TXNDC16: variants seen among roughly 807,000 people sequenced by gnomAD.
The protein encoded by TXNDC16 is thioredoxin domain containing 16.
In TXNDC16, 74 loss-of-function variants were observed where a neutral mutation model predicts 85.6. The ratio of observed to expected loss-of-function variants is 0.86; its 90% confidence interval spans 0.72 to 1.05. The LOEUF (loss-of-function observed/expected upper bound fraction) is 1.05, where lower values mean the gene tolerates loss of function less well. Ranked by LOEUF, TXNDC16 falls within the 50% of genes least tolerant of loss-of-function variation. The pLI is 0.00. For synonymous variants in TXNDC16, 335 were observed against 326.5 expected (o/e 1.03, Z -0.28); for missense variants, 959 against 947.0 (o/e 1.01, Z -0.17).
intron 9 of TXNDC16, among the ~76,000 whole-genome samples, chr14:52,494,808 G>C (rs561858286): frequency 1.3e-5 from 2 of 152,230 alleles, no homozygotes; most frequent in African/African-American, 2.4e-5. Context: ...TTACATGCAG[G>C]AAGATGTAGG....
At chr14:52,471,555 C>T (rs2035908086) in intron 14 of TXNDC16, among the ~76,000 whole-genome samples, 1 of 152,182 alleles carries the variant, frequency 6.6e-6, no homozygotes, top group South Asian at 2.1e-4. Flanking sequence ...GAACCATGCT[C>T]TTTTCCTTAT....
intron 18 of TXNDC16, among the ~76,000 whole-genome samples, chr14:52,442,965 A>C (rs1418689001): frequency 6.6e-6 from 1 of 152,222 alleles, no homozygotes. Flanking sequence ...CAATAAGAAA[A>C]CTTATTGGTT....
At chr14:52,533,396 G>C (rs1257744802) in intron 6 of TXNDC16, among the ~76,000 whole-genome samples, 1 of 152,140 alleles carries the variant, frequency 6.6e-6, no homozygotes, top group Non-Finnish European at 1.5e-5. Flanking sequence ...CCCCTTTGCT[G>C]TATCTACTCT....
chr14:52,484,449 C>T (rs2036221071), intron 12 of TXNDC16, among the ~76,000 whole-genome samples: 1 of 152,242 alleles, frequency 6.6e-6, no homozygotes, highest in Admixed American at 6.5e-5. Context: ...ACATATACAA[C>T]TGTAGTCCCT....
chr14:52,525,332 G>A (rs1192629456), intron 6 of TXNDC16, among the ~76,000 whole-genome samples: 2 of 151,992 alleles, frequency 1.3e-5, no homozygotes, highest in Non-Finnish European at 2.9e-5. Context: ...ATAATCTCAT[G>A]AGGCTGCAAG....
At chr14:52,529,798 TTATA>T (rs1274901135) in intron 6 of TXNDC16, among the ~76,000 whole-genome samples, 7 of 115,674 alleles carry the variant, frequency 6.1e-5, no homozygotes, top group African/African-American at 2.5e-4. Context: ...TATATAATAA[TTATA>T]TATGACACCT....
intron 12 of TXNDC16, among the ~76,000 whole-genome samples, chr14:52,487,326 C>T (rs750471510): frequency 2.6e-5 from 4 of 152,118 alleles, no homozygotes; most frequent in Non-Finnish European, 4.4e-5. Flanking sequence ...AAAGCTCTTA[C>T]TAAATTTATA....
intron 16 of TXNDC16, among the ~76,000 whole-genome samples, chr14:52,462,409 G>A (rs897916222): frequency 2.0e-5 from 3 of 152,120 alleles, no homozygotes; most frequent in Non-Finnish European, 2.9e-5. Context: ...CCGCCTCCTG[G>A]GTTGAAGCAA....
chr14:52,468,413 C>T (rs969098652), intron 16 of TXNDC16, among the ~76,000 whole-genome samples: 7 of 151,714 alleles, frequency 4.6e-5, no homozygotes, highest in African/African-American at 7.3e-5. Context: ...ATCTTAAAAT[C>T]AATAGATTAA....
At chr14:52,534,636 A>T (rs2037658217) in intron 6 of TXNDC16, among the ~76,000 whole-genome samples, 1 of 152,018 alleles carries the variant, frequency 6.6e-6, no homozygotes, top group Non-Finnish European at 1.5e-5. Flanking sequence ...CACTTAATAA[A>T]TATCCACCCT....
chr14:52,531,058 A>G (rs1359142488), intron 6 of TXNDC16, among the ~76,000 whole-genome samples: 1 of 152,130 alleles, frequency 6.6e-6, no homozygotes, highest in African/African-American at 2.4e-5. Flanking sequence ...CAGATGGAAA[A>G]TAAGCATATG....
intron 18 of TXNDC16, among the ~76,000 whole-genome samples, chr14:52,452,886 T>C (rs1240577561): frequency 2.0e-5 from 3 of 151,600 alleles, no homozygotes; most frequent in Non-Finnish European, 4.4e-5. Flanking sequence ...ATCAACAAAG[T>C]GGAGAGAGAG....
chr14:52,494,065 T>C lies in TXNDC16; in HGVS notation c.757-3060A>G, dbSNP rs539511328. The stretch of plus-strand genomic sequence containing the variant: ...CAAAGTGATTCCTATCACCAGGGGA[T>C]AGGAACCTTGGGAGCTATCTTAGAA... On this transcript the variant is annotated intron_variant, in intron 9 of 20. Transcript: ENST00000281741. Among the ~76,000 whole-genome samples the C allele has an allele frequency of 5.9e-5, 9 of 152,030 alleles. No individual in the cohort carries two copies. In the East Asian group the frequency reaches 1.5e-3, roughly 26 times the overall value.
rs932181114 is a variant in TXNDC16 at position 52,539,241 on chromosome 14, C to T, written c.244-1569G>A. Among the ~76,000 whole-genome samples the T allele has an allele frequency of 4.6e-5, 7 of 152,270 alleles. No individual in the cohort carries two copies. The East Asian group carries it at 1.4e-3, about 29-fold the overall frequency. On this transcript the variant is annotated intron_variant, in intron 4 of 20. Transcript: ENST00000281741. The stretch of plus-strand genomic sequence containing the variant: ...ATTTTAGAGAGGTAATCAAGGAAGG[C>T]TTCTCTGAAAAAGTGACATTTGCAC...
Position 52,530,440 on chromosome 14 carries a change from ATATAT to A in TXNDC16, c.392+6274_392+6278del, listed in dbSNP as rs2037513077. Among the ~76,000 whole-genome samples the A allele has an allele frequency of 7.0e-4, 2 of 2,862 alleles. 1 individual carries two copies. The highest frequency in any genetic ancestry group is 1.0e-3 in the Non-Finnish European group (2 of 1,942). The allele number at this position is 2,862 out of a possible 152,430, so 1.9% of individuals were successfully genotyped here. On this transcript the variant is annotated intron_variant, in intron 6 of 20. Transcript: ENST00000281741. ...ATAATATTATATATAATAATATATA[ATATAT>A]TATTATATAATAATATATATTATAT...
At chr14:52,439,593 A>G (rs1255251153) in intron 19 of TXNDC16, among the ~76,000 whole-genome samples, 199 bp from the exon 20 acceptor site, 1 of 152,176 alleles carries the variant, frequency 6.6e-6, no homozygotes, top group East Asian at 1.9e-4. Context: ...AACATGGGGC[A>G]CTTTGTTTCA....
At chr14:52,549,897 A>G (rs2038011765) in intron 1 of TXNDC16, among the ~76,000 whole-genome samples, 1 of 152,172 alleles carries the variant, frequency 6.6e-6, no homozygotes, top group African/African-American at 2.4e-5. Flanking sequence ...TTGGCTTCCC[A>G]AAGTGCTGGG....
chr14:52,509,459 C>T (rs553389074), intron 9 of TXNDC16, among the ~76,000 whole-genome samples: 1 of 150,870 alleles, frequency 6.6e-6, no homozygotes, highest in East Asian at 2.0e-4. Flanking sequence ...ATTCTCCCAA[C>T]ATGAAAGGAA....
chr14:52,464,669 C>A (rs553955857), intron 16 of TXNDC16, among the ~76,000 whole-genome samples: 1 of 152,088 alleles, frequency 6.6e-6, no homozygotes, highest in Admixed American at 6.6e-5. Flanking sequence ...CGGTGGCTCA[C>A]GCCTATAATC....
Sources: allele counts gnomAD v4.1 joint callset (sites outside exome capture counted in the v4.1 genomes callset), GRCh38; gene constraint gnomAD v4.1.1; transcripts MANE v1.5; gene names NCBI Gene and HGNC (gene_info 2026-07-23, HGNC 2026-07-21).